CAMK2B: variants seen among roughly 807,000 people sequenced by gnomAD.
CAMK2B encodes the protein calcium/calmodulin-dependent protein kinase type II subunit beta.
In CAMK2B, 27 loss-of-function variants were observed where a neutral mutation model predicts 93.7. The ratio of observed to expected loss-of-function variants is 0.29; its 90% confidence interval spans 0.21 to 0.40. The LOEUF is 0.40. Ranked by LOEUF, CAMK2B falls within the 10% of genes least tolerant of loss-of-function variation. The probability of loss-of-function intolerance (pLI) is 1.00; values close to 1 mark genes in which losing one functional copy is unlikely to be tolerated. For missense variants in CAMK2B, 568 were observed against 895.8 expected (o/e 0.63, Z 4.67); for synonymous variants, 374 against 358.8 (o/e 1.04, Z -0.48).
intron 8 of CAMK2B, among the ~76,000 whole-genome samples, chr7:44,242,877 G>A (rs2096694712): frequency 6.6e-6 from 1 of 152,190 alleles, no homozygotes. Flanking sequence ...TGAGGGTGAT[G>A]TCAAGCCCCT....
intron 1 of CAMK2B, among the ~76,000 whole-genome samples, chr7:44,320,073 G>T (rs971307246): frequency 3.4e-4 from 51 of 152,004 alleles, no homozygotes; most frequent in Non-Finnish European, 2.9e-5. Flanking sequence ...GTATTACTTG[G>T]TGTGTGTGTG....
chr7:44,290,993 C>G (rs929613690), intron 1 of CAMK2B, among the ~76,000 whole-genome samples: 1 of 152,194 alleles, frequency 6.6e-6, no homozygotes, highest in Non-Finnish European at 1.5e-5. Context: ...TGGATGTGTG[C>G]AAGTGTGCAG....
At chr7:44,245,028 G>T (rs930786455) in intron 6 of CAMK2B, 8 of 454,554 alleles carry the variant, frequency 1.8e-5, no homozygotes, top group African/African-American at 1.6e-4. Flanking sequence ...ACATGGAGAA[G>T]TTGGACAGAG....
At chr7:44,304,947 T>A (rs1197672572) in intron 1 of CAMK2B, among the ~76,000 whole-genome samples, 1 of 150,766 alleles carries the variant, frequency 6.6e-6, no homozygotes, top group Admixed American at 6.6e-5. Context: ...GAGAAAAAAA[T>A]TGTATCTTTA....
chr7:44,223,376 T>C (rs2096435564), intron 20 of CAMK2B, among the ~76,000 whole-genome samples: 2 of 152,162 alleles, frequency 1.3e-5, no homozygotes, highest in Non-Finnish European at 1.5e-5. Flanking sequence ...CCCACCCACC[T>C]GGTGGACCCC....
At chr7:44,278,096 C>T (rs180704793) in intron 2 of CAMK2B, among the ~76,000 whole-genome samples, 2 of 152,334 alleles carry the variant, frequency 1.3e-5, no homozygotes, top group East Asian at 1.9e-4. Context: ...CAGCCAGGGG[C>T]GCCTGCCATG....
intron 17 of CAMK2B, chr7:44,229,758 C>G: frequency 2.5e-6 from 1 of 406,394 alleles, no homozygotes; most frequent in Middle Eastern, 6.3e-4. Context: ...CAGCACAGGC[C>G]AGTGCAGGCT....
rs2096446249 is a variant in CAMK2B, at chr7:44,224,101, A to C, written c.1597+2415T>G. Among the ~76,000 whole-genome samples the C allele has an allele frequency of 6.6e-6, 1 of 152,284 alleles. No individual in the cohort carries two copies. The highest frequency in any genetic ancestry group is 2.4e-5 in the African/African-American group (1 of 41,478). On this transcript the variant is annotated intron_variant, in intron 20 of 23. Coordinates refer to ENST00000395749, the MANE Select transcript of CAMK2B (RefSeq NM_001220.5). This position sits in a 1 kb window ranked among gnomAD's most constrained non-coding sequence, Gnocchi z 4.4. The stretch of plus-strand genomic sequence containing the variant: ...GAGTTGATGGGAAGAGAAAGCGTGA[A>C]GTAAACAGAAGAGGAGATGCATGGT...
chr7:44,312,284 T>TCAGTG lies in CAMK2B; in HGVS notation c.65+13068_65+13072dup, dbSNP rs1793752926. Among the ~76,000 whole-genome samples, 1 of 151,812 alleles carries TCAGTG rather than the reference T, an allele frequency of 6.6e-6. No homozygotes were observed. ...CTGGGGGAAATAGTTCAGCCAGGTG[T>TCAGTG]CAGTGGCGAGAGGGTGGTGGTGGGA... is the stretch of plus-strand genomic sequence containing the variant. On this transcript the variant is annotated intron_variant, in intron 1 of 23. Transcript: ENST00000395749. The surrounding 1 kb of genome is among the most constrained non-coding windows in gnomAD (Gnocchi z 4.1).
chr7:44,238,602 G>A (rs920816947), intron 13 of CAMK2B, among the ~76,000 whole-genome samples: 6 of 152,220 alleles, frequency 3.9e-5, no homozygotes, highest in Non-Finnish European at 5.9e-5. Flanking sequence ...AGGGTTCTCT[G>A]GCTGGGAAGG....
At chr7:44,275,924 TC>T (rs1366432392) in intron 2 of CAMK2B, among the ~76,000 whole-genome samples, 23 of 151,948 alleles carry the variant, frequency 1.5e-4, no homozygotes, top group Admixed American at 6.5e-5. Context: ...AGGGGGCGTT[TC>T]CCAGGGATTC....
chr7:44,324,427 G>A (rs891841763), intron 1 of CAMK2B, among the ~76,000 whole-genome samples: 8 of 152,248 alleles, frequency 5.3e-5, no homozygotes, highest in African/African-American at 1.9e-4. Flanking sequence ...GGAGACCCCA[G>A]GCCAGACAGG....
At chr7:44,222,721 G>A (rs1045799699) in intron 20 of CAMK2B, among the ~76,000 whole-genome samples, 1 of 152,192 alleles carries the variant, frequency 6.6e-6, no homozygotes, top group Admixed American at 6.5e-5. Context: ...TGGGATTACA[G>A]GTATGAGCCA....
chr7:44,255,920 TG>T (rs1412696452), intron 4 of CAMK2B, among the ~76,000 whole-genome samples: 1 of 152,210 alleles, frequency 6.6e-6, no homozygotes, highest in Non-Finnish European at 1.5e-5. Context: ...TGAAATGCAC[TG>T]GGAAGACACC....
At chr7:44,283,160 A>T (rs1434417253) in intron 2 of CAMK2B, among the ~76,000 whole-genome samples, 1 of 152,208 alleles carries the variant, frequency 6.6e-6, no homozygotes, top group Non-Finnish European at 1.5e-5. Context: ...CCCCTGCCAT[A>T]GTCCCTCCCC....
intron 3 of CAMK2B, among the ~76,000 whole-genome samples, chr7:44,261,157 C>T (rs865914250): frequency 6.6e-6 from 1 of 152,384 alleles, no homozygotes; most frequent in East Asian, 1.9e-4. Context: ...GGCCCACCAA[C>T]GTCCTGCTTC....
chr7:44,236,584 C>T (rs939228180), intron 13 of CAMK2B, among the ~76,000 whole-genome samples: 5 of 152,324 alleles, frequency 3.3e-5, no homozygotes, highest in Middle Eastern at 3.4e-3. Flanking sequence ...ATAGCACAGA[C>T]TGAAAACCCT....
chr7:44,283,326 G>T (rs1325480013), intron 2 of CAMK2B, among the ~76,000 whole-genome samples: 1 of 151,932 alleles, frequency 6.6e-6, no homozygotes, highest in Non-Finnish European at 1.5e-5. Context: ...ACCCCACAAG[G>T]GCAGGGAGAC....
chr7:44,306,479 A>G (rs1791545682), intron 1 of CAMK2B, among the ~76,000 whole-genome samples: 1 of 152,214 alleles, frequency 6.6e-6, no homozygotes, highest in Admixed American at 6.5e-5. Flanking sequence ...AAAGAGCAAA[A>G]TAAATACAGA....
Sources: gnomAD v4.1 joint callset for allele counts (sites outside exome capture counted in the v4.1 genomes callset) on GRCh38, gnomAD v4.1.1 for gene constraint, Gnocchi (gnomAD v3.1) non-coding constraint, MANE v1.5 for transcripts, NCBI Gene and HGNC (gene_info 2026-07-23, HGNC 2026-07-21) for gene names.